The following CLSTN1 variants were observed in gnomAD, a reference collection of about 807,000 sequenced individuals.
CLSTN1 encodes calsyntenin-1.
In CLSTN1, 28 loss-of-function variants were observed where a neutral mutation model predicts 108.3. The observed-to-expected ratio is 0.26, with a 90% CI of 0.19 to 0.35. The LOEUF (loss-of-function observed/expected upper bound fraction) is 0.35. Ranked by LOEUF, CLSTN1 falls within the 10% of genes least tolerant of loss-of-function variation. CLSTN1 has a pLI of 1.00. For synonymous variants in CLSTN1, 524 were observed against 534.9 expected (o/e 0.98, Z 0.28); for missense variants, 1,157 against 1,302.6 (o/e 0.89, Z 1.72).
chr1:9,760,287 G>A (rs1215960123), intron 2 of CLSTN1, among the ~76,000 whole-genome samples: 2 of 152,008 alleles, frequency 1.3e-5, no homozygotes, highest in Non-Finnish European at 2.9e-5. Context: ...AAACCAACTC[G>A]CCAGGTTGGT....
Position 9,749,932 on chromosome 1 carries a change from AAC to A in CLSTN1, c.650-21_650-20del. On this transcript the variant is annotated intron_variant, in intron 5 of 18. Coordinates refer to ENST00000377298, the MANE Select transcript of CLSTN1 (RefSeq NM_001009566.3). ...ATATAACCTTACAGAGGGCAAAAAC[AAC>A]AGTGAGAGCCAAAACCCATGCTGGT... 6.2e-7 allele frequency: 1 copy of A among 1,609,036 alleles called. No individual in the cohort carries two copies. The highest frequency in any genetic ancestry group is 1.3e-5 in the African/African-American group (1 of 74,788).
intron 2 of CLSTN1, among the ~76,000 whole-genome samples, 179 bp downstream of exon 2, chr1:9,773,093 C>T (rs1015795503): frequency 1.3e-5 from 2 of 152,060 alleles, no homozygotes; most frequent in Admixed American, 1.3e-4. Context: ...AAGAACAGGC[C>T]TTTTTGTCAG....
chr1:9,795,794 A>G lies in CLSTN1; in HGVS notation c.92-22400T>C, dbSNP rs1398781408. Among the ~76,000 whole-genome samples, 5 of 151,044 alleles carry G rather than the reference A, an allele frequency of 3.3e-5. No homozygotes were observed. The South Asian group carries it at 6.6e-4, about 20-fold the overall frequency. On this transcript the variant is annotated intron_variant, in intron 1 of 18. Coordinates refer to ENST00000377298, the MANE Select transcript of CLSTN1 (RefSeq NM_001009566.3). ...ACATGGTGAGACCCTGTATCTACAG[A>G]AAAATTTAAAATTAGCCAAGCATGG...
intron 5 of CLSTN1, among the ~76,000 whole-genome samples, chr1:9,750,989 C>T (rs1371381958): frequency 6.6e-6 from 1 of 151,680 alleles, no homozygotes; most frequent in Non-Finnish European, 1.5e-5. Flanking sequence ...CACTTGAACC[C>T]GGGAGGCAGA....
intron 1 of CLSTN1, among the ~76,000 whole-genome samples, chr1:9,783,349 TAGG>T (rs1257987333): frequency 6.7e-6 from 1 of 150,288 alleles, no homozygotes. Flanking sequence ...GAGGCCCAGG[TAGG>T]AGGATTGCTT....
chr1:9,794,132 G>C (rs1653886397), intron 1 of CLSTN1, among the ~76,000 whole-genome samples: 1 of 151,444 alleles, frequency 6.6e-6, no homozygotes, highest in East Asian at 2.0e-4. Flanking sequence ...TATAAAAACA[G>C]GGTAAGTAAC....
At chr1:9,752,008 G>C (rs554437534) in intron 4 of CLSTN1, among the ~76,000 whole-genome samples, 1 of 152,070 alleles carries the variant, frequency 6.6e-6, no homozygotes. Context: ...AGGCAGAAGG[G>C]AGATAAACAA....
At chr1:9,781,191 T>C in intron 1 of CLSTN1, 1 of 791,922 alleles carries the variant, frequency 1.3e-6, no homozygotes, top group Middle Eastern at 2.6e-4. Flanking sequence ...ATTAAGGAGC[T>C]TCGCAAGGCT....
At chr1:9,746,454 G>A (rs1359939482) in intron 7 of CLSTN1, among the ~76,000 whole-genome samples, 3 of 152,162 alleles carry the variant, frequency 2.0e-5, no homozygotes, top group Admixed American at 6.6e-5. Context: ...GGTGGCTTGC[G>A]CCTGTAATCC....
rs954725066 is a variant in CLSTN1, at chr1:9,730,882, T to TC, written c.2749-178dup. On this transcript the variant is annotated intron_variant, in intron 18 of 18. Transcript: ENST00000377298. The surrounding 1 kb of genome is among the most constrained non-coding windows in gnomAD (Gnocchi z 5.6). ...ATTAGAAGTGAAGGGAAAACAAAGCTCCAGTCAGCACCCACGGAGTCACCC... is the reference window on the plus strand; with the variant it reads ...ATTAGAAGTGAAGGGAAAACAAAGCTCCCAGTCAGCACCCACGGAGTCACCC... Among the ~76,000 whole-genome samples, 3 of 151,786 alleles carry TC rather than the reference T, an allele frequency of 2.0e-5. No homozygotes were observed. The highest frequency in any genetic ancestry group is 1.3e-4 in the Admixed American group (2 of 15,256).
intron 1 of CLSTN1, among the ~76,000 whole-genome samples, chr1:9,801,459 G>T (rs1654259866): frequency 1.3e-5 from 2 of 152,220 alleles, no homozygotes; most frequent in South Asian, 2.1e-4. Flanking sequence ...GGGTTCACTG[G>T]TGAATTGTAC....
chr1:9,775,315 C>T (rs984063902), intron 1 of CLSTN1, among the ~76,000 whole-genome samples: 1 of 151,646 alleles, frequency 6.6e-6, no homozygotes, highest in Non-Finnish European at 1.5e-5. Context: ...GTTCCTCGTT[C>T]GTAAACCAGG....
Position 9,730,839 on chromosome 1 carries a change from G to A in CLSTN1, c.2749-134C>T. On this transcript the variant is annotated intron_variant, in intron 18 of 18. Coordinates refer to ENST00000377298, the MANE Select transcript of CLSTN1 (RefSeq NM_001009566.3). The surrounding 1 kb of genome is among the most constrained non-coding windows in gnomAD (Gnocchi z 5.6). ...CCCTCCCCAGCGACAGAGCAGCCAG[G>A]ACGGCACCGGAAGTTATATTAGAAG... The A allele has an allele frequency of 1.2e-6, 1 of 824,702 alleles. No individual in the cohort carries two copies. Among genetic ancestry groups the A allele is most frequent in the East Asian group, 2.7e-5 (1 of 37,404 alleles). 51.1% of individuals were successfully genotyped at this position (824,702 alleles called of 1,614,324 possible).
At chr1:9,797,855 T>C (rs1039639136) in intron 1 of CLSTN1, among the ~76,000 whole-genome samples, 9 of 151,748 alleles carry the variant, frequency 5.9e-5, no homozygotes, top group African/African-American at 1.9e-4. Flanking sequence ...ATAGAAATAC[T>C]GTATGAGGCG....
intron 7 of CLSTN1, among the ~76,000 whole-genome samples, chr1:9,746,168 T>C (rs987012990): frequency 1.3e-5 from 2 of 152,212 alleles, no homozygotes; most frequent in Admixed American, 1.3e-4. Flanking sequence ...AAACCTCACC[T>C]GCATGCACAG....
chr1:9,768,334 CTAT>C (rs1460299687), intron 2 of CLSTN1, among the ~76,000 whole-genome samples: 1 of 131,154 alleles, frequency 7.6e-6, no homozygotes, highest in Non-Finnish European at 1.6e-5. Flanking sequence ...GGGCGGAGTT[CTAT>C]GTTGGGCGGC....
At chr1:9,751,058 C>T (rs1252459737) in intron 5 of CLSTN1, among the ~76,000 whole-genome samples, 1 of 151,428 alleles carries the variant, frequency 6.6e-6, no homozygotes, top group Non-Finnish European at 1.5e-5. Context: ...GAGTGAGAAA[C>T]TGTCTCAAAA....
intron 1 of CLSTN1, among the ~76,000 whole-genome samples, chr1:9,821,482 G>A (rs1217398372): frequency 1.3e-5 from 2 of 152,166 alleles, no homozygotes; most frequent in Admixed American, 6.5e-5. Flanking sequence ...TAAAATTTGA[G>A]GGTCTCTACA....
At position 9,823,372 on chromosome 1, in the gene CLSTN1, G is replaced by A. The variant is rs1655265732; in HGVS notation, c.91+271C>T. Among the ~76,000 whole-genome samples, 2 of 152,198 alleles carry A rather than the reference G, an allele frequency of 1.3e-5. No individual in the cohort carries two copies. Among genetic ancestry groups the A allele is most frequent in the South Asian group, 4.1e-4 (2 of 4,836 alleles). On this transcript the variant is annotated intron_variant, in intron 1 of 18. Coordinates refer to ENST00000377298, the MANE Select transcript of CLSTN1 (RefSeq NM_001009566.3). The surrounding 1 kb of genome is among the most constrained non-coding windows in gnomAD (Gnocchi z 6.3). ...GCCCAGGCTCAGGAGCCCCGCCCGG[G>A]ACGGAGCCTGGCTTCCCCGGGACGC...
Sources: allele counts gnomAD v4.1 joint callset (sites outside exome capture counted in the v4.1 genomes callset), GRCh38; gene constraint gnomAD v4.1.1; non-coding constraint Gnocchi (gnomAD v3.1); transcripts MANE v1.5; gene names NCBI Gene and HGNC (gene_info 2026-07-23, HGNC 2026-07-21).